FSTL5: variants seen among roughly 807,000 people sequenced by gnomAD.
FSTL5 encodes follistatin like 5, also known as follistatin-related protein 5.
Under a neutral mutation model 89.1 loss-of-function variants are expected in FSTL5, and 62 were observed. That is an observed-to-expected ratio of 0.70 (90% CI 0.57 to 0.86). The LOEUF is 0.86. FSTL5 is among the 40% of genes least tolerant of loss of function. The pLI, the probability that FSTL5 is intolerant of heterozygous loss-of-function variation, is 0.00. For missense variants in FSTL5, 1,057 were observed against 1,001.6 expected (o/e 1.06, Z -0.75); for synonymous variants, 383 against 346.2 (o/e 1.11, Z -1.18).
chr4:161,471,210 A>C (rs1422246928), intron 13 of FSTL5, among the ~76,000 whole-genome samples: 1 of 152,180 alleles, frequency 6.6e-6, no homozygotes, highest in African/African-American at 2.4e-5. Context: ...CATGGGTTTT[A>C]TATGTTGCCA....
Position 161,899,505 on chromosome 4 carries a change from C to T in FSTL5, c.409+20899G>A, listed in dbSNP as rs779359834. Among the ~76,000 whole-genome samples, 6 of 152,206 alleles carry T rather than the reference C, an allele frequency of 3.9e-5. No individual in the cohort carries two copies. In the South Asian group the frequency reaches 6.2e-4, roughly 16 times the overall value. ...CACACAAGTGTCATCAAAAGGCCTA[C>T]AGTTCTTCTGCCAATCTTAGTGAAC... is the stretch of plus-strand genomic sequence containing the variant. On this transcript the variant is annotated intron_variant, in intron 4 of 15. Coordinates refer to ENST00000306100, the MANE Select transcript of FSTL5 (RefSeq NM_020116.5).
intron 8 of FSTL5, among the ~76,000 whole-genome samples, chr4:161,581,084 A>G (rs1003530065): frequency 6.6e-6 from 1 of 152,180 alleles, no homozygotes; most frequent in Non-Finnish European, 1.5e-5. Context: ...TTAAAAGAAT[A>G]AAGAGTTGAA....
chr4:161,447,022 A>G (rs1288346710), intron 15 of FSTL5, among the ~76,000 whole-genome samples: 1 of 152,088 alleles, frequency 6.6e-6, no homozygotes, highest in African/African-American at 2.4e-5. Context: ...TTAAGAGAAT[A>G]CTGGATCCTG....
chr4:161,730,873 G>A (rs77750421), intron 6 of FSTL5, among the ~76,000 whole-genome samples: 4,517 of 152,212 alleles, frequency 0.03, 86 homozygotes, highest in Non-Finnish European at 0.044. Flanking sequence ...ATAAAAACAC[G>A]AATATTCTTT....
intron 4 of FSTL5, among the ~76,000 whole-genome samples, chr4:161,858,601 T>G (rs925555561): frequency 1.3e-5 from 2 of 152,228 alleles, no homozygotes; most frequent in African/African-American, 4.8e-5. Context: ...TATTTTAAAC[T>G]TCTCCACCTT....
intron 4 of FSTL5, among the ~76,000 whole-genome samples, chr4:161,777,688 G>A (rs1434123956): frequency 6.6e-6 from 1 of 151,980 alleles, no homozygotes; most frequent in Non-Finnish European, 1.5e-5. Context: ...TAAATCATAA[G>A]CTTACTGAAG....
intron 3 of FSTL5, among the ~76,000 whole-genome samples, chr4:161,947,224 T>C (rs778344028): frequency 2.2e-4 from 33 of 151,064 alleles, no homozygotes; most frequent in Non-Finnish European, 4.1e-4. Context: ...ATAGAGCATT[T>C]TGATGAGCAG....
intron 15 of FSTL5, among the ~76,000 whole-genome samples, chr4:161,401,587 C>A (rs1431806837): frequency 6.6e-6 from 1 of 152,068 alleles, no homozygotes; most frequent in Non-Finnish European, 1.5e-5. Context: ...TGCAGTGGCG[C>A]GATCTCAGCT....
intron 3 of FSTL5, among the ~76,000 whole-genome samples, chr4:162,021,874 C>T (rs1181183518): frequency 7.2e-5 from 11 of 151,994 alleles, no homozygotes; most frequent in East Asian, 3.9e-4. Context: ...GGGTGGATCA[C>T]GAGGTCATAA....
intron 15 of FSTL5, among the ~76,000 whole-genome samples, chr4:161,425,076 A>T (rs1732125865): frequency 6.6e-6 from 1 of 152,242 alleles, no homozygotes; most frequent in African/African-American, 2.4e-5. Context: ...AAAAGCCATT[A>T]GATCTATAAA....
chr4:162,157,524 A>G (rs892140179), intron 1 of FSTL5, among the ~76,000 whole-genome samples: 2 of 152,128 alleles, frequency 1.3e-5, no homozygotes, highest in African/African-American at 4.8e-5. Context: ...CTAGGGCTCC[A>G]CAGAGAATCA....
At chr4:161,663,464 C>A (rs1736785279) in intron 6 of FSTL5, among the ~76,000 whole-genome samples, 1 of 152,066 alleles carries the variant, frequency 6.6e-6, no homozygotes, top group Admixed American at 6.6e-5. Context: ...ATCCAGGGGG[C>A]CAGTCACATT....
chr4:161,850,058 T>A lies in FSTL5; in HGVS notation c.409+70346A>T, dbSNP rs149347480. The stretch of plus-strand genomic sequence containing the variant: ...AATGTTAATTTTGCATGAAAGATGG[T>A]ACAGTATTTATACCCTTTGAGGCCT... On this transcript the variant is annotated intron_variant, in intron 4 of 15. Coordinates refer to ENST00000306100, the MANE Select transcript of FSTL5 (RefSeq NM_020116.5). 1.6e-3 allele frequency among the ~76,000 whole-genome samples: 244 copies of A among 152,316 alleles called. 1 individual carries two copies. The highest frequency in any genetic ancestry group is 5.5e-3 in the African/African-American group (229 of 41,568).
At chr4:162,056,483 C>A (rs1305977091) in intron 2 of FSTL5, among the ~76,000 whole-genome samples, 2 of 151,156 alleles carry the variant, frequency 1.3e-5, no homozygotes, top group Non-Finnish European at 2.9e-5. Flanking sequence ...TTCCTAGCAG[C>A]ATTGTATGAA....
chr4:161,884,071 G>A (rs1177832347), intron 4 of FSTL5, among the ~76,000 whole-genome samples: 3 of 132,272 alleles, frequency 2.3e-5, no homozygotes, highest in Non-Finnish European at 4.9e-5. Flanking sequence ...TTTTTTTTGA[G>A]ACGGAGTCTT....
chr4:161,675,155 C>T (rs559693879), intron 6 of FSTL5, among the ~76,000 whole-genome samples: 5 of 152,150 alleles, frequency 3.3e-5, no homozygotes, highest in South Asian at 4.2e-4. Context: ...AACTAAAAAA[C>T]GTAACAATTG....
intron 2 of FSTL5, among the ~76,000 whole-genome samples, chr4:162,037,641 T>A (rs961301916): frequency 5.9e-5 from 9 of 151,890 alleles, no homozygotes; most frequent in Admixed American, 2.6e-4. Flanking sequence ...AAATTACCAA[T>A]GCAAATCTGT....
chr4:161,977,960 A>T (rs1178560715), intron 3 of FSTL5, among the ~76,000 whole-genome samples: 1 of 152,160 alleles, frequency 6.6e-6, no homozygotes, highest in African/African-American at 2.4e-5. Context: ...AATTTATCTT[A>T]ACACTGTCAT....
chr4:162,040,536 A>T (rs1002443121), intron 2 of FSTL5, among the ~76,000 whole-genome samples: 1 of 151,906 alleles, frequency 6.6e-6, no homozygotes, highest in Admixed American at 6.6e-5. Flanking sequence ...TGCCTCAAAA[A>T]TAGAGGGGAG....
Sources: gnomAD v4.1 joint callset for allele counts (sites outside exome capture counted in the v4.1 genomes callset) on GRCh38, gnomAD v4.1.1 for gene constraint, MANE v1.5 for transcripts, NCBI Gene and HGNC (gene_info 2026-07-23, HGNC 2026-07-21) for gene names.